The following LRRC1 variants were observed in gnomAD, a reference collection of about 807,000 sequenced individuals.
LRRC1 encodes the protein leucine rich repeat containing 1.
In LRRC1, 28 loss-of-function variants were observed where a neutral mutation model predicts 69.9. That is an observed-to-expected ratio of 0.40 (90% CI 0.30 to 0.55). LRRC1 has a LOEUF of 0.55. Among genes scored for constraint, LRRC1 ranks in the 20% least tolerant of loss-of-function variants. LRRC1 has a pLI of 0.47. For missense variants in LRRC1, 498 were observed against 609.0 expected (o/e 0.82, Z 1.92); for synonymous variants, 236 against 240.2 (o/e 0.98, Z 0.16).
chr6:53,845,052 A>C (rs1374923426), intron 2 of LRRC1, among the ~76,000 whole-genome samples: 4 of 152,176 alleles, frequency 2.6e-5, no homozygotes, highest in South Asian at 2.1e-4. Context: ...AAAAATACAA[A>C]AATTAACCAG....
At chr6:53,911,498 G>A (rs1465699229) in intron 10 of LRRC1, among the ~76,000 whole-genome samples, 4 of 152,150 alleles carry the variant, frequency 2.6e-5, no homozygotes, top group African/African-American at 9.7e-5. Context: ...TGTCTTCCAG[G>A]AGCTGATTAT....
chr6:53,923,194 T>TG lies in LRRC1; in HGVS notation c.*405dup, dbSNP rs1768790420. ...TACTGATGAGAGATAGTTTTATGTA[T>TG]GGGGAAAAATGGATACTTTTTAAAC... On this transcript the variant is annotated 3_prime_UTR_variant, in exon 14 of 14. Transcript: ENST00000370888. The TG allele has an allele frequency of 6.3e-6, 1 of 158,574 alleles. No individual in the cohort carries two copies. The allele number at this position is 158,574 out of a possible 1,614,324, so 9.8% of individuals were successfully genotyped here. A position where few individuals can be genotyped will look rare whatever the true frequency, so the allele number is the denominator to read the frequency against.
Position 53,899,810 on chromosome 6 carries a change from C to G in LRRC1, c.706C>G (p.Pro236Ala). 6.2e-7 allele frequency: 1 copy of G among 1,614,050 alleles called. No individual in the cohort carries two copies. The highest frequency in any genetic ancestry group is 8.5e-7 in the Non-Finnish European group (1 of 1,179,932). ...DVSENRLERL[P>A]EEISGLTSLT... ...CTCTGAAAACAGGTTGGAAAGACTT[C>G]CTGAAGAAATCAGTGGCCTGACTTC... The change falls in exon 8 of 14, where the codon CCT (proline) becomes GCT (alanine). Residue 236 changes from proline to alanine, a missense_variant. Transcript: ENST00000370888.
chr6:53,855,198 C>T (rs1766271105), intron 2 of LRRC1, among the ~76,000 whole-genome samples: 1 of 152,218 alleles, frequency 6.6e-6, no homozygotes, highest in Admixed American at 6.5e-5. Flanking sequence ...AGCAATCAGC[C>T]TGTATTTATG....
chr6:53,819,067 T>G (rs1190511224), intron 1 of LRRC1, among the ~76,000 whole-genome samples: 1 of 152,108 alleles, frequency 6.6e-6, no homozygotes, highest in African/African-American at 2.4e-5. Flanking sequence ...TGGGGGATGA[T>G]CAGAGCCTGA....
chr6:53,853,588 A>G (rs1766215053), intron 2 of LRRC1, among the ~76,000 whole-genome samples: 1 of 152,172 alleles, frequency 6.6e-6, no homozygotes, highest in Non-Finnish European at 1.5e-5. Flanking sequence ...CCCAGCGTGT[A>G]AATCTTTTAT....
intron 12 of LRRC1, 29 bp downstream of exon 12, chr6:53,919,699 A>G: frequency 6.3e-7 from 1 of 1,596,548 alleles, no homozygotes; most frequent in East Asian, 2.2e-5. Context: ...CAGTATTCAC[A>G]GGGCCACGAG....
intron 11 of LRRC1, among the ~76,000 whole-genome samples, chr6:53,917,031 G>A (rs751195531): frequency 1.3e-5 from 2 of 152,156 alleles, no homozygotes; most frequent in African/African-American, 2.4e-5. Flanking sequence ...TTTCTTGTGC[G>A]TTGATTCTGT....
At chr6:53,823,314 A>C (rs1765167173) in intron 1 of LRRC1, among the ~76,000 whole-genome samples, 1 of 152,350 alleles carries the variant, frequency 6.6e-6, no homozygotes, top group Non-Finnish European at 1.5e-5. Flanking sequence ...TAAAGAACTT[A>C]ATATATTGCA....
chr6:53,920,322 T>C (rs1488554397), intron 12 of LRRC1, among the ~76,000 whole-genome samples: 1 of 152,226 alleles, frequency 6.6e-6, no homozygotes, highest in Non-Finnish European at 1.5e-5. Flanking sequence ...GGACTCTAAA[T>C]TATGACATTC....
At chr6:53,808,013 G>A (rs1764684650) in intron 1 of LRRC1, among the ~76,000 whole-genome samples, 1 of 152,222 alleles carries the variant, frequency 6.6e-6, no homozygotes, top group Non-Finnish European at 1.5e-5. Flanking sequence ...GATATTGGCA[G>A]GGCCTGGAGG....
chr6:53,797,124 A>T (rs1289496636), intron 1 of LRRC1, among the ~76,000 whole-genome samples: 1 of 151,436 alleles, frequency 6.6e-6, no homozygotes, highest in Non-Finnish European at 1.5e-5. Flanking sequence ...GTTTTCCTGT[A>T]ATGTTGGGGA....
intron 1 of LRRC1, among the ~76,000 whole-genome samples, chr6:53,811,708 A>G (rs1764798521): frequency 6.6e-6 from 1 of 152,150 alleles, no homozygotes. Context: ...TTTAAGTCAC[A>G]CTTTACAGAT....
chr6:53,795,544 C>G (rs1228854689), intron 1 of LRRC1, 129 bp downstream of exon 1: 1 of 811,918 alleles, frequency 1.2e-6, no homozygotes, highest in Non-Finnish European at 1.9e-6. Context: ...ATGCATTCAC[C>G]TGCTTCTTTC....
chr6:53,886,673 T>C (rs1160109969), intron 4 of LRRC1, among the ~76,000 whole-genome samples: 1 of 152,224 alleles, frequency 6.6e-6, no homozygotes, highest in Non-Finnish European at 1.5e-5. Context: ...TTCAGGTGAA[T>C]GTTAAAATTT....
At chr6:53,826,740 T>C (rs1212933785) in intron 1 of LRRC1, among the ~76,000 whole-genome samples, 1 of 152,184 alleles carries the variant, frequency 6.6e-6, no homozygotes, top group Non-Finnish European at 1.5e-5. Context: ...TCCCCTTCGA[T>C]TATGAAATCT....
chr6:53,897,371 T>C lies in LRRC1; in HGVS notation c.642+12T>C. The C allele has an allele frequency of 6.4e-7, 1 of 1,573,794 alleles. No individual in the cohort carries two copies. The highest frequency in any genetic ancestry group is 8.7e-7 in the Non-Finnish European group (1 of 1,144,848). ...CAGAATTACCTCAGGTAAGTGGTAATTTCACAGTGTCTCCCCAAAACATAA... is the reference window on the plus strand; with the variant it reads ...CAGAATTACCTCAGGTAAGTGGTAACTTCACAGTGTCTCCCCAAAACATAA... On this transcript the variant is annotated intron_variant, in intron 7 of 13. Transcript: ENST00000370888.
At chr6:53,914,013 C>A in intron 11 of LRRC1, 44 bp downstream of exon 11, 1 of 1,321,022 alleles carries the variant, frequency 7.6e-7, no homozygotes, top group African/African-American at 1.5e-5. Context: ...AACAAATATA[C>A]ATACATCCCA....
chr6:53,815,668 GT>G (rs1224425427), intron 1 of LRRC1, among the ~76,000 whole-genome samples: 1 of 152,198 alleles, frequency 6.6e-6, no homozygotes, highest in Non-Finnish European at 1.5e-5. Flanking sequence ...TGTTGAGTCT[GT>G]AGGGAATTTA....
Sources: allele counts gnomAD v4.1 joint callset (sites outside exome capture counted in the v4.1 genomes callset), GRCh38; gene constraint gnomAD v4.1.1; transcripts MANE v1.5; gene names NCBI Gene and HGNC (gene_info 2026-07-23, HGNC 2026-07-21).